The following SLC22A14 variants were observed in gnomAD, a reference collection of about 807,000 sequenced individuals.
The protein encoded by SLC22A14 is solute carrier family 22 member 14.
A neutral mutation model predicts 53.9 loss-of-function variants in SLC22A14; 50 were observed. That is an observed-to-expected ratio of 0.93 (90% confidence interval 0.74 to 1.17). The LOEUF is 1.17. Among genes scored for constraint, SLC22A14 ranks in the 50% most tolerant of loss-of-function variants. The probability of loss-of-function intolerance (pLI) is 0.00; values close to 1 mark genes in which losing one functional copy is unlikely to be tolerated. For missense variants in SLC22A14, 671 were observed against 734.7 expected (o/e 0.91, Z 1.00); for synonymous variants, 312 against 303.0 (o/e 1.03, Z -0.31).
At position 38,308,953 on chromosome 3, in the gene SLC22A14, G is replaced by A. The variant is rs1393917112; in HGVS notation, c.776-1G>A. The A allele has an allele frequency of 6.2e-7, 1 of 1,613,782 alleles. No homozygotes were observed. The highest frequency in any genetic ancestry group is 8.5e-7 in the Non-Finnish European group (1 of 1,179,740). ...GTTTTGTCCTCTTGGCCTCTGCACA[G>A]CCACTGAGTGGTTAGTGGGTGAGCA... On this transcript the variant is annotated splice_acceptor_variant, in intron 4 of 10. Transcript: ENST00000448498. LOFTEE classifies it high-confidence loss of function.
rs574575858 is a variant in SLC22A14, at chr3:38,291,205, C to T, written c.-1+8866C>T. Among the ~76,000 whole-genome samples, 69 of 152,268 alleles carry T rather than the reference C, an allele frequency of 4.5e-4. 1 individual carries two copies. Among genetic ancestry groups the T allele is most frequent in the African/African-American group, 1.6e-3 (68 of 41,564 alleles). On this transcript the variant is annotated intron_variant, in intron 1 of 10. Coordinates refer to ENST00000448498, the MANE Select transcript of SLC22A14 (RefSeq NM_001320033.2). ...AATTATTACTGACCACTGCATACCC[C>T]GCTTTTCGAAGTCCTTTTTCTACAA...
chr3:38,310,246 C>T (rs1704430954), intron 5 of SLC22A14, among the ~76,000 whole-genome samples: 1 of 152,068 alleles, frequency 6.6e-6, no homozygotes, highest in African/African-American at 2.4e-5. Flanking sequence ...GGCATGGTGG[C>T]ACACACTTGT....
intron 1 of SLC22A14, among the ~76,000 whole-genome samples, chr3:38,290,525 G>A (rs1703890061): frequency 2.0e-5 from 3 of 148,116 alleles, no homozygotes; most frequent in Admixed American, 2.0e-4. Context: ...CACTTTACAG[G>A]CCCTGACTAT....
At chr3:38,314,809 A>T (rs1415406720) in intron 8 of SLC22A14, among the ~76,000 whole-genome samples, 6 of 152,202 alleles carry the variant, frequency 3.9e-5, no homozygotes. Context: ...GGTGGTTTTT[A>T]AAAAAGCAGG....
chr3:38,289,038 T>C (rs1703850684), intron 1 of SLC22A14, among the ~76,000 whole-genome samples: 1 of 151,750 alleles, frequency 6.6e-6, no homozygotes, highest in African/African-American at 2.4e-5. Context: ...AAATTAGCCC[T>C]GCATGGTGGC....
intron 8 of SLC22A14, among the ~76,000 whole-genome samples, 187 bp from the exon 9 acceptor site, chr3:38,315,371 G>C (rs1163728149): frequency 6.6e-6 from 1 of 152,238 alleles, no homozygotes; most frequent in Non-Finnish European, 1.5e-5. Flanking sequence ...CCCCACCCCT[G>C]CTGACTAACT....
chr3:38,304,618 C>A (rs2125884357), intron 1 of SLC22A14, among the ~76,000 whole-genome samples: 1 of 152,260 alleles, frequency 6.6e-6, no homozygotes, highest in South Asian at 2.1e-4. Flanking sequence ...TCTTGAACCC[C>A]TGGGCTCAAG....
intron 1 of SLC22A14, among the ~76,000 whole-genome samples, chr3:38,286,161 G>A (rs1703786503): frequency 6.6e-6 from 1 of 152,148 alleles, no homozygotes; most frequent in African/African-American, 2.4e-5. Context: ...AGAATTGCTT[G>A]AACCCAGGGG....
chr3:38,317,732 T>A (rs1409408255), intron 10 of SLC22A14, among the ~76,000 whole-genome samples: 1 of 152,196 alleles, frequency 6.6e-6, no homozygotes, highest in Non-Finnish European at 1.5e-5. Context: ...ATTTGTTATG[T>A]GTTAGACCCT....
At chr3:38,280,914 G>A (rs1056311301), upstream of SLC22A14, among the ~76,000 whole-genome samples, 2 of 152,258 alleles carry the variant, frequency 1.3e-5, no homozygotes, top group African/African-American at 4.8e-5. Flanking sequence ...ACAGGCGTGA[G>A]CCACCATGCC....
At chr3:38,297,196 C>T (rs1704059175) in intron 1 of SLC22A14, among the ~76,000 whole-genome samples, 1 of 152,158 alleles carries the variant, frequency 6.6e-6, no homozygotes, top group East Asian at 1.9e-4. Flanking sequence ...AGTGAGCTCT[C>T]TTTACTACCT....
chr3:38,312,777 T>A (rs1163462250), intron 5 of SLC22A14, among the ~76,000 whole-genome samples: 2 of 151,936 alleles, frequency 1.3e-5, no homozygotes, highest in Non-Finnish European at 2.9e-5. Flanking sequence ...GGTCAGGGTG[T>A]TACCTAGCAG....
chr3:38,292,120 A>C (rs948733414), intron 1 of SLC22A14, among the ~76,000 whole-genome samples: 1 of 152,260 alleles, frequency 6.6e-6, no homozygotes, highest in East Asian at 1.9e-4. Context: ...GCTTGATGGC[A>C]CAAGGTTTCT....
Position 38,307,573 on chromosome 3 carries a change from C to T in SLC22A14, c.628C>T (p.Arg210Cys), listed in dbSNP as rs77826783. 1.3e-5 allele frequency: 21 copies of T among 1,613,676 alleles called. No homozygotes were observed. Among genetic ancestry groups the T allele is most frequent in the South Asian group, 8.8e-5 (8 of 91,042 alleles). Residue 210 changes from arginine to cysteine, a missense_variant, in exon 4 of 11, where the codon CGC becomes TGC. Arg to Cys is a radical substitution (Grantham distance 180). Coordinates refer to ENST00000448498, the MANE Select transcript of SLC22A14 (RefSeq NM_001320033.2). This position sits in a 1 kb window ranked among gnomAD's most constrained non-coding sequence, Gnocchi z 4.4. ...TCCCTTTGACACCTGTAGGATGGGCCGCTACCCTGCCATCCTGCTGTCACT... is the reference window on the plus strand; with the variant it reads ...TCCCTTTGACACCTGTAGGATGGGCTGCTACCCTGCCATCCTGCTGTCACT... ...IFRLITDKMGRYPAILLSLLG... is the reference protein window; with the variant it reads ...IFRLITDKMGCYPAILLSLLG...
At chr3:38,318,144 T>A in intron 10 of SLC22A14, 54 bp from the exon 11 acceptor site, 2 of 1,557,722 alleles carry the variant, frequency 1.3e-6, no homozygotes, top group Non-Finnish European at 1.8e-6. Flanking sequence ...CCGCTGCTTT[T>A]CTCAGCTTCC....
intron 5 of SLC22A14, among the ~76,000 whole-genome samples, chr3:38,312,772 G>A (rs2125890848): frequency 6.6e-6 from 1 of 152,316 alleles, no homozygotes; most frequent in African/African-American, 2.4e-5. Flanking sequence ...CCGGTGGTCA[G>A]GGTGTTACCT....
chr3:38,292,176 G>A (rs1703926795), intron 1 of SLC22A14, among the ~76,000 whole-genome samples: 1 of 152,244 alleles, frequency 6.6e-6, no homozygotes, highest in Non-Finnish European at 1.5e-5. Context: ...AAGGACAAGA[G>A]TGTCCAGGTA....
chr3:38,302,240 A>T (rs1156720093), intron 1 of SLC22A14, among the ~76,000 whole-genome samples: 1 of 147,318 alleles, frequency 6.8e-6, no homozygotes, highest in African/African-American at 2.5e-5. Context: ...GTCTCAAAAA[A>T]AAAAAGTATA....
At chr3:38,296,325 C>T (rs1468637280) in intron 1 of SLC22A14, among the ~76,000 whole-genome samples, 1 of 151,588 alleles carries the variant, frequency 6.6e-6, no homozygotes, top group African/African-American at 2.4e-5. Flanking sequence ...CCAGGCAGAC[C>T]AACGTTCCCA....
Sources: allele counts gnomAD v4.1 joint callset (sites outside exome capture counted in the v4.1 genomes callset), GRCh38; gene constraint gnomAD v4.1.1; non-coding constraint Gnocchi (gnomAD v3.1); transcripts MANE v1.5; gene names NCBI Gene and HGNC (gene_info 2026-07-23, HGNC 2026-07-21).